Variants in KIF6 observed in about 807,000 individuals in gnomAD.
KIF6 encodes kinesin-like protein KIF6.
A neutral mutation model predicts 112.7 loss-of-function variants in KIF6; 106 were observed. That is an observed-to-expected ratio of 0.94 (90% CI 0.80 to 1.11). KIF6 has a LOEUF of 1.11. KIF6 is among the 50% of genes least tolerant of loss of function. KIF6 has a pLI of 0.00. For missense variants in KIF6, 929 were observed against 964.0 expected (o/e 0.96, Z 0.48); for synonymous variants, 339 against 339.9 (o/e 1.00, Z 0.03).
intron 6 of KIF6, among the ~76,000 whole-genome samples, chr6:39,598,501 T>C (rs190716154): frequency 6.6e-6 from 1 of 152,106 alleles, no homozygotes; most frequent in East Asian, 1.9e-4. Context: ...AAGTTCCAAA[T>C]ACATATAACA....
At chr6:39,424,589 G>C (rs974097080) in intron 14 of KIF6, among the ~76,000 whole-genome samples, 1 of 152,224 alleles carries the variant, frequency 6.6e-6, no homozygotes, top group Admixed American at 6.5e-5. Flanking sequence ...AGTCAGAGTA[G>C]GACCAAATGC....
chr6:39,445,230 T>C (rs1486309097), intron 13 of KIF6, among the ~76,000 whole-genome samples: 1 of 152,132 alleles, frequency 6.6e-6, no homozygotes, highest in East Asian at 1.9e-4. Context: ...ACAGAGAAGA[T>C]GAAGGGGCAG....
chr6:39,503,986 C>A (rs1013652706), intron 13 of KIF6, among the ~76,000 whole-genome samples: 1 of 152,106 alleles, frequency 6.6e-6, no homozygotes, highest in African/African-American at 2.4e-5. Context: ...AAAGGAGGGA[C>A]TCCTTCCTAA....
intron 16 of KIF6, among the ~76,000 whole-genome samples, chr6:39,371,096 G>A (rs1302019110): frequency 6.6e-6 from 1 of 152,138 alleles, no homozygotes; most frequent in Non-Finnish European, 1.5e-5. Flanking sequence ...AAATATTCCT[G>A]TTCAGTCTAC....
chr6:39,641,651 A>T (rs565677188), intron 3 of KIF6, among the ~76,000 whole-genome samples: 12 of 152,006 alleles, frequency 7.9e-5, no homozygotes, highest in East Asian at 1.9e-4. Flanking sequence ...AATATATATA[A>T]AAAAAAGCCA....
chr6:39,507,684 C>A (rs1776514519), intron 13 of KIF6, among the ~76,000 whole-genome samples: 1 of 137,824 alleles, frequency 7.3e-6, no homozygotes, highest in African/African-American at 2.8e-5. Flanking sequence ...TCCTTCCTTC[C>A]TTCCTACCTT....
At chr6:39,538,507 C>G (rs914906029) in intron 13 of KIF6, among the ~76,000 whole-genome samples, 17 of 152,130 alleles carry the variant, frequency 1.1e-4, no homozygotes, top group African/African-American at 3.6e-4. Flanking sequence ...CAAATCAAAA[C>G]CACAATGAGA....
chr6:39,722,786 T>C (rs1396533491), intron 1 of KIF6, among the ~76,000 whole-genome samples: 1 of 152,232 alleles, frequency 6.6e-6, no homozygotes, highest in Non-Finnish European at 1.5e-5. Flanking sequence ...TCAATATTTA[T>C]TCATTCCCAT....
intron 9 of KIF6, 55 bp downstream of exon 9, chr6:39,584,843 C>A: frequency 9.0e-7 from 1 of 1,114,806 alleles, no homozygotes; most frequent in Non-Finnish European, 1.4e-6. Flanking sequence ...CAAGTTTTAG[C>A]TAATCTTTGA....
At chr6:39,538,739 A>G (rs1778597643) in intron 13 of KIF6, among the ~76,000 whole-genome samples, 1 of 149,972 alleles carries the variant, frequency 6.7e-6, no homozygotes, top group East Asian at 2.0e-4. Flanking sequence ...AGGACTATAA[A>G]TCTTGCTGCT....
intron 8 of KIF6, among the ~76,000 whole-genome samples, chr6:39,585,877 G>A (rs1781597656): frequency 6.6e-6 from 1 of 152,092 alleles, no homozygotes; most frequent in Admixed American, 6.6e-5. Flanking sequence ...CATTTCTAGG[G>A]ACACATCTCA....
At chr6:39,522,397 A>T (rs1488145799) in intron 13 of KIF6, among the ~76,000 whole-genome samples, 1 of 152,320 alleles carries the variant, frequency 6.6e-6, no homozygotes, top group East Asian at 1.9e-4. Flanking sequence ...CCTGGTTCAC[A>T]GTTTTCCTAC....
intron 4 of KIF6, 73 bp from the exon 5 acceptor site, chr6:39,635,031 T>A: frequency 1.3e-6 from 1 of 794,650 alleles, no homozygotes; most frequent in Non-Finnish European, 2.2e-6. Flanking sequence ...TGAACACATT[T>A]AGCACTCAGT....
chr6:39,538,961 G>A (rs1361814608), intron 13 of KIF6, among the ~76,000 whole-genome samples: 7 of 150,014 alleles, frequency 4.7e-5, no homozygotes, highest in South Asian at 2.1e-4. Context: ...GTAAACTATC[G>A]CAAGGACAAA....
At chr6:39,637,243 T>C (rs1170965785) in intron 4 of KIF6, among the ~76,000 whole-genome samples, 3 of 151,862 alleles carry the variant, frequency 2.0e-5, no homozygotes, top group East Asian at 1.9e-4. Context: ...TGCCCTGAGG[T>C]GATAGGGATA....
chr6:39,427,394 A>G (rs1770846729), intron 14 of KIF6, among the ~76,000 whole-genome samples: 1 of 152,228 alleles, frequency 6.6e-6, no homozygotes, highest in Non-Finnish European at 1.5e-5. Context: ...TTGTTTTCAT[A>G]CAAGAACATT....
chr6:39,467,071 T>C (rs1482934344), intron 13 of KIF6, among the ~76,000 whole-genome samples: 1 of 152,176 alleles, frequency 6.6e-6, no homozygotes, highest in African/African-American at 2.4e-5. Context: ...GAGAGCTTTA[T>C]AGCTTTCCCC....
chr6:39,679,857 T>A (rs1310575704), intron 3 of KIF6, among the ~76,000 whole-genome samples: 1 of 151,748 alleles, frequency 6.6e-6, no homozygotes, highest in Non-Finnish European at 1.5e-5. Context: ...GACCTCGTGA[T>A]CCGCCCACCT....
intron 1 of KIF6, 43 bp from the exon 2 acceptor site, chr6:39,720,854 T>G: frequency 1.1e-6 from 1 of 871,138 alleles, no homozygotes; most frequent in Non-Finnish European, 2.0e-6. Context: ...ATGGTGAAAT[T>G]ATGGCTTGAA....
Sources: gnomAD v4.1 joint callset for allele counts (sites outside exome capture counted in the v4.1 genomes callset) on GRCh38, gnomAD v4.1.1 for gene constraint, MANE v1.5 for transcripts, NCBI Gene and HGNC (gene_info 2026-07-23, HGNC 2026-07-21) for gene names.